The following BCL2L13 variants were observed in gnomAD, a reference collection of about 807,000 sequenced individuals.
BCL2L13 encodes the protein bcl-2-like protein 13.
A neutral mutation model predicts 25.8 loss-of-function variants in BCL2L13; 13 were observed. That is an observed-to-expected ratio of 0.50 (90% CI 0.33 to 0.80). The LOEUF is 0.80. Among genes scored for constraint, BCL2L13 ranks in the 30% least tolerant of loss-of-function variants. BCL2L13 has a pLI of 0.02. For missense variants in BCL2L13, 504 were observed against 574.9 expected (o/e 0.88, Z 1.26); for synonymous variants, 244 against 230.3 (o/e 1.06, Z -0.54).
At chr22:17,685,747 ATTTTTTC>A (rs2059908431) in intron 3 of BCL2L13, among the ~76,000 whole-genome samples, 1 of 72,234 alleles carries the variant, frequency 1.4e-5, no homozygotes, top group Non-Finnish European at 2.9e-5. Flanking sequence ...TTGCCCAATA[ATTTTTTC>A]TTTTTCTTTT....
intron 4 of BCL2L13, 86 bp from the exon 5 acceptor site, chr22:17,696,055 A>C: frequency 1.0e-6 from 1 of 982,600 alleles, no homozygotes; most frequent in Non-Finnish European, 1.6e-6. Flanking sequence ...CAAAAAGTTC[A>C]ACAGAGTAGT....
intron 2 of BCL2L13, among the ~76,000 whole-genome samples, chr22:17,656,784 T>C (rs2058883750): frequency 6.6e-6 from 1 of 152,186 alleles, no homozygotes; most frequent in Non-Finnish European, 1.5e-5. Flanking sequence ...GTTGTCATTC[T>C]ACTAAGTGTT....
intron 5 of BCL2L13, 91 bp from the exon 6 acceptor site, chr22:17,702,152 C>T (rs1277489009): frequency 3.2e-6 from 3 of 949,240 alleles, no homozygotes; most frequent in Non-Finnish European, 4.6e-6. Flanking sequence ...CTTAATGATG[C>T]ATTTAAATAT....
chr22:17,638,587 A>G, upstream of BCL2L13: 2 of 959,500 alleles, frequency 2.1e-6, no homozygotes, highest in Non-Finnish European at 2.7e-6. Flanking sequence ...GAACGTCGCA[A>G]TCAGATTTGG....
intron 2 of BCL2L13, among the ~76,000 whole-genome samples, chr22:17,656,151 A>T (rs1316050145): frequency 1.3e-5 from 2 of 150,746 alleles, no homozygotes; most frequent in African/African-American, 2.4e-5. Flanking sequence ...GAGGCAGGAG[A>T]ATCGCTTGAA....
intron 4 of BCL2L13, among the ~76,000 whole-genome samples, chr22:17,693,365 AGTGTTTGTTT>A (rs1568981624): frequency 1.3e-3 from 107 of 81,596 alleles, no homozygotes; most frequent in African/African-American, 4.3e-3. Flanking sequence ...TTATTTATTT[AGTGTTTGTTT>A]TTTTTTTTTT....
At chr22:17,639,856 CTT>C (rs113964087) in intron 1 of BCL2L13, among the ~76,000 whole-genome samples, 24 of 140,820 alleles carry the variant, frequency 1.7e-4, no homozygotes, top group Admixed American at 2.8e-4. Context: ...TACCTTCTTT[CTT>C]TTTTTTTTTT....
At position 17,702,653 on chromosome 22, in the gene BCL2L13, T is replaced by TA. The variant is rs1467993755; in HGVS notation, c.600+268dup. ...CTTTTTGATATGTAATTATTATTAT[T>TA]ATTCAGTTGGTTCAGTTGTTTATAA... On this transcript the variant is annotated intron_variant, in intron 6 of 6. Transcript: ENST00000317582. 3.4e-5 allele frequency: 9 copies of TA among 266,850 alleles called. No individual in the cohort carries two copies. The Admixed American group carries it at 4.2e-4, about 13-fold the overall frequency. 16.5% of individuals were successfully genotyped at this position (266,850 alleles called of 1,614,324 possible). A position where few individuals can be genotyped will look rare whatever the true frequency, so the allele number is the denominator to read the frequency against.
intron 6 of BCL2L13, chr22:17,706,544 G>T: frequency 2.6e-6 from 1 of 389,736 alleles, no homozygotes; most frequent in Non-Finnish European, 3.5e-6. Context: ...AAAGTGTTTT[G>T]TGAAAATGTC....
chr22:17,646,864 T>G (rs1601492437), intron 1 of BCL2L13, among the ~76,000 whole-genome samples: 1 of 137,778 alleles, frequency 7.3e-6, no homozygotes, highest in Non-Finnish European at 1.5e-5. Flanking sequence ...GGATTACAGG[T>G]GCCTGCCACC....
At position 17,726,829 on chromosome 22, in the gene BCL2L13, C is replaced by A; in HGVS notation, c.753C>A (p.Ser251Arg). ...TGACCACTTCCTGGCAGTCTGAGAGCTTACCTGTGTCACTGTCAGCTAGCC... is the reference window on the plus strand; with the variant it reads ...TGACCACTTCCTGGCAGTCTGAGAGATTACCTGTGTCACTGTCAGCTAGCC... ...PTVTTSWQSE[S>R]LPVSLSASQS... is the part of the protein sequence containing the mutation. The change falls in exon 7 of 7, where the codon AGC (serine) becomes AGA (arginine). Residue 251 changes from serine (S) to arginine (R), a missense_variant. Physicochemically the swap from Ser to Arg is moderately radical, Grantham distance 110. Transcript: ENST00000317582. The A allele has an allele frequency of 1.2e-6, 2 of 1,613,974 alleles. No individual in the cohort carries two copies. The highest frequency in any genetic ancestry group is 8.5e-7 in the Non-Finnish European group (1 of 1,179,848).
In BCL2L13 at chr22:17,730,291, G is replaced by A. The variant is rs8919; in HGVS notation, c.*2757G>A. ...CCTTCTAGAGAACATTCTAGATGAA[G>A]AAATGCAACTGTTGACCTTCTGGTT... On this transcript the variant is annotated 3_prime_UTR_variant, in exon 7 of 7. Coordinates refer to ENST00000317582, the MANE Select transcript of BCL2L13 (RefSeq NM_015367.4). The A allele has an allele frequency of 0.45, 68,212 of 151,924 alleles. 16,243 individuals are homozygous for A. Among genetic ancestry groups the A allele is most frequent in the East Asian group, 0.81 (4,165 of 5,158 alleles). 9.4% of individuals were successfully genotyped at this position (151,924 alleles called of 1,614,324 possible).
intron 3 of BCL2L13, among the ~76,000 whole-genome samples, chr22:17,685,253 C>T (rs1187459693): frequency 4.0e-5 from 6 of 151,726 alleles, no homozygotes; most frequent in Non-Finnish European, 8.8e-5. Flanking sequence ...TAAGACATCG[C>T]CTTGCTCTGT....
chr22:17,636,000 C>T (rs537255183), upstream of BCL2L13, among the ~76,000 whole-genome samples: 69 of 152,128 alleles, frequency 4.5e-4, 1 homozygote, highest in South Asian at 4.4e-3. Flanking sequence ...TGAACCACCA[C>T]GCCCGGCCTA....
intron 5 of BCL2L13, among the ~76,000 whole-genome samples, chr22:17,701,054 C>T (rs906548151): frequency 6.6e-6 from 1 of 152,170 alleles, no homozygotes; most frequent in East Asian, 1.9e-4. Context: ...AAAGAGATTG[C>T]ATGCAGATGG....
chr22:17,641,798 G>GTTTTTTTTTTTTTTTTTTTTTTATTTTT (rs35688861), intron 1 of BCL2L13, among the ~76,000 whole-genome samples: 1 of 133,696 alleles, frequency 7.5e-6, no homozygotes, highest in Non-Finnish European at 1.6e-5. Flanking sequence ...CATAATATGT[G>GTTTTTTTTTTTTTTTTTTTTTTATTTTT]TTTTTTTTTT....
intron 2 of BCL2L13, among the ~76,000 whole-genome samples, chr22:17,658,277 G>A (rs944014510): frequency 4.6e-5 from 7 of 152,086 alleles, no homozygotes; most frequent in African/African-American, 1.7e-4. Context: ...ACATGAATAT[G>A]TATGTATGTA....
chr22:17,674,117 T>C (rs1032776186), intron 2 of BCL2L13, among the ~76,000 whole-genome samples: 2 of 152,198 alleles, frequency 1.3e-5, no homozygotes, highest in African/African-American at 4.8e-5. Flanking sequence ...GTGTTAAACT[T>C]TGTGACACAG....
intron 1 of BCL2L13, among the ~76,000 whole-genome samples, chr22:17,643,311 T>G (rs2058353743): frequency 6.6e-6 from 1 of 152,024 alleles, no homozygotes; most frequent in Admixed American, 6.6e-5. Flanking sequence ...GCAGTTTCAC[T>G]CTTGTGAGGT....
Sources: gnomAD v4.1 joint callset for allele counts (sites outside exome capture counted in the v4.1 genomes callset) on GRCh38, gnomAD v4.1.1 for gene constraint, MANE v1.5 for transcripts, NCBI Gene and HGNC (gene_info 2026-07-23, HGNC 2026-07-21) for gene names.